Variants in BCAT1 observed in about 807,000 individuals in gnomAD.
The protein encoded by BCAT1 is branched chain amino acid transaminase 1.
In BCAT1, 48 loss-of-function variants were observed where a neutral mutation model predicts 52.4. The observed-to-expected ratio is 0.92, with a 90% CI of 0.73 to 1.16. The LOEUF (loss-of-function observed/expected upper bound fraction) is 1.16. BCAT1 is among the 50% of genes most tolerant of loss of function. BCAT1 has a pLI of 0.00. For synonymous variants in BCAT1, 167 were observed against 161.3 expected (o/e 1.04, Z -0.27); for missense variants, 451 against 457.1 (o/e 0.99, Z 0.12).
At chr12:24,846,305 C>A (rs922756587) in intron 6 of BCAT1, among the ~76,000 whole-genome samples, 3 of 152,082 alleles carry the variant, frequency 2.0e-5, no homozygotes, top group African/African-American at 4.8e-5. Context: ...TTTTAATTTT[C>A]CCAGAGTTCT....
intron 1 of BCAT1, among the ~76,000 whole-genome samples, chr12:24,946,103 A>C (rs1222945757): frequency 1.3e-5 from 2 of 152,344 alleles, no homozygotes; most frequent in East Asian, 3.9e-4. Context: ...TGGCAACCTG[A>C]AACCCCAAAA....
At chr12:24,847,733 T>G (rs1941389247) in intron 6 of BCAT1, among the ~76,000 whole-genome samples, 1 of 152,202 alleles carries the variant, frequency 6.6e-6, no homozygotes, top group Non-Finnish European at 1.5e-5. Context: ...CTTCTCAAGC[T>G]TGGCTGCATG....
chr12:24,812,131 C>T lies in BCAT1; in HGVS notation c.*5877G>A, dbSNP rs895818044. On this transcript the variant is annotated 3_prime_UTR_variant, in exon 11 of 11. Transcript: ENST00000261192. ...TCTTCAAAAACTTATTGATGAAGTACAAATTGAGGCAGAAATTTACATTCC... is the reference window on the plus strand; with the variant it reads ...TCTTCAAAAACTTATTGATGAAGTATAAATTGAGGCAGAAATTTACATTCC... The T allele has an allele frequency of 6.6e-6, 1 of 152,058 alleles. No homozygotes were observed. The highest frequency in any genetic ancestry group is 1.5e-5 in the Non-Finnish European group (1 of 67,954). 9.4% of individuals were successfully genotyped at this position (152,058 alleles called of 1,614,324 possible).
At chr12:24,931,832 C>T (rs113043879) in intron 1 of BCAT1, among the ~76,000 whole-genome samples, 2 of 152,106 alleles carry the variant, frequency 1.3e-5, no homozygotes, top group African/African-American at 2.4e-5. Flanking sequence ...GAACGCCACA[C>T]GATTCAGAAA....
intron 10 of BCAT1, among the ~76,000 whole-genome samples, chr12:24,820,672 T>C (rs1940080132): frequency 1.3e-5 from 2 of 152,158 alleles, no homozygotes; most frequent in South Asian, 4.1e-4. Flanking sequence ...AGGTCGAGCC[T>C]GCGGGATGGT....
chr12:24,860,609 C>T (rs1591816231), intron 5 of BCAT1, among the ~76,000 whole-genome samples: 1 of 152,144 alleles, frequency 6.6e-6, no homozygotes, highest in South Asian at 2.1e-4. Flanking sequence ...GCCTGTTTTA[C>T]CAGGGCTTTG....
intron 3 of BCAT1, among the ~76,000 whole-genome samples, chr12:24,884,503 A>G (rs1422059926): frequency 1.3e-5 from 2 of 152,242 alleles, no homozygotes; most frequent in Admixed American, 1.3e-4. Context: ...TTCTCACCAC[A>G]AGAAATGATA....
rs755066646 is a variant in BCAT1 at position 24,901,940 on chromosome 12, G to A, written c.7-55C>T. The A allele has an allele frequency of 6.8e-6, 11 of 1,612,908 alleles. No individual in the cohort carries two copies. In the East Asian group the frequency reaches 1.6e-4, roughly 23 times the overall value. On this transcript the variant is annotated intron_variant, in intron 1 of 10. Coordinates refer to ENST00000261192, the MANE Select transcript of BCAT1 (RefSeq NM_005504.7). ...AAATGCAGGTGGGTAAGCGGGACCC[G>A]GGGTAACCTACGTGACGCTCACCAT... is the stretch of plus-strand genomic sequence containing the variant.
chr12:24,903,173 G>C, intron 1 of BCAT1: 1 of 1,219,700 alleles, frequency 8.2e-7, no homozygotes, highest in Non-Finnish European at 1.0e-6. Flanking sequence ...CATCCCTTGG[G>C]GAGGAGCCTC....
At chr12:24,847,697 G>C (rs1217700555) in intron 6 of BCAT1, among the ~76,000 whole-genome samples, 1 of 152,204 alleles carries the variant, frequency 6.6e-6, no homozygotes, top group Non-Finnish European at 1.5e-5. Context: ...TGTTTCTACA[G>C]TGCAAGACCT....
upstream of BCAT1, chr12:24,949,269 C>G (rs977497351): frequency 2.4e-6 from 1 of 423,278 alleles, no homozygotes; most frequent in African/African-American, 2.0e-5. Flanking sequence ...TCCCGGGGTG[C>G]AGGGCAGAGG....
At chr12:24,881,682 C>A (rs1363319012) in intron 3 of BCAT1, among the ~76,000 whole-genome samples, 1 of 152,172 alleles carries the variant, frequency 6.6e-6, no homozygotes, top group African/African-American at 2.4e-5. Context: ...CTGAATAACA[C>A]ATTTAGGTGT....
At position 24,829,827 on chromosome 12, in the gene BCAT1, A is replaced by G. The variant is rs1303977644; in HGVS notation, c.1115T>C (p.Ile372Thr). 4.4e-6 allele frequency: 7 copies of G among 1,606,570 alleles called. No homozygotes were observed. The highest frequency in any genetic ancestry group is 6.0e-6 in the Non-Finnish European group (7 of 1,175,368). ...AAAAGAAAAGAAAAGCTTTACCTGG[A>G]TATCAGTTAATTTGCTCAAGATGCG... ...ASRILSKLTD[I>T]QYGREESDWT... Residue 372 changes from isoleucine (I) to threonine (T), a missense_variant, in exon 10 of 11, where the codon ATC (isoleucine) becomes ACC (threonine). Physicochemically the swap from Ile to Thr is moderately conservative, Grantham distance 89. Coordinates refer to ENST00000261192, the MANE Select transcript of BCAT1 (RefSeq NM_005504.7).
intron 1 of BCAT1, among the ~76,000 whole-genome samples, chr12:24,922,145 G>A (rs565285808): frequency 1.3e-5 from 2 of 152,148 alleles, no homozygotes; most frequent in African/African-American, 2.4e-5. Flanking sequence ...GAGCACACAC[G>A]CAAACACAAG....
chr12:24,920,333 C>T (rs1943483298), intron 1 of BCAT1, among the ~76,000 whole-genome samples: 1 of 152,192 alleles, frequency 6.6e-6, no homozygotes, highest in Non-Finnish European at 1.5e-5. Context: ...CTGCAAACCG[C>T]ACTCTGTGGC....
intron 5 of BCAT1, among the ~76,000 whole-genome samples, chr12:24,869,308 C>G (rs577604762): frequency 1.3e-5 from 2 of 152,280 alleles, no homozygotes; most frequent in Non-Finnish European, 2.9e-5. Flanking sequence ...TGGGGAGCCA[C>G]AGACGGTCAC....
chr12:24,902,990 G>A (rs1827532483), intron 1 of BCAT1: 1 of 1,467,556 alleles, frequency 6.8e-7, no homozygotes. Flanking sequence ...GCTGGCCATG[G>A]GGAGGCTGCG....
At chr12:24,836,360 T>C in intron 8 of BCAT1, 151 bp downstream of exon 8, 2 of 692,172 alleles carry the variant, frequency 2.9e-6, no homozygotes, top group Admixed American at 2.9e-5. Context: ...AAGAAAGCCC[T>C]TCTAGAAGAA....
chr12:24,944,490 T>C (rs1019568909), intron 1 of BCAT1, among the ~76,000 whole-genome samples: 9 of 152,226 alleles, frequency 5.9e-5, no homozygotes, highest in African/African-American at 2.2e-4. Context: ...GTGGAATGTT[T>C]GGTCTAGAAT....
Sources: allele counts gnomAD v4.1 joint callset (sites outside exome capture counted in the v4.1 genomes callset), GRCh38; gene constraint gnomAD v4.1.1; transcripts MANE v1.5; gene names NCBI Gene and HGNC (gene_info 2026-07-23, HGNC 2026-07-21).